AKAP9: variants seen among roughly 807,000 people sequenced by gnomAD.
The protein encoded by AKAP9 is A-kinase anchor protein 9.
In AKAP9, 311 loss-of-function variants were observed where a neutral mutation model predicts 488.5. The ratio of observed to expected loss-of-function variants is 0.64; its 90% confidence interval spans 0.58 to 0.70. The LOEUF is 0.70. Ranked by LOEUF, AKAP9 falls within the 30% of genes least tolerant of loss-of-function variation. AKAP9 has a pLI of 0.00. For synonymous variants in AKAP9, 1,462 were observed against 1,483.5 expected, an observed-to-expected ratio of 0.99 and a Z score of 0.33; for missense variants, 4,215 against 4,374.5, an observed-to-expected ratio of 0.96 and a Z score of 1.03.
At chr7:92,099,111 T>C (rs1293984556) in intron 43 of AKAP9, among the ~76,000 whole-genome samples, 1 of 152,188 alleles carries the variant, frequency 6.6e-6, no homozygotes, top group African/African-American at 2.4e-5. Flanking sequence ...AAAGTCACCA[T>C]AGACCACTTT....
chr7:92,001,881 T>G lies in AKAP9; in HGVS notation c.1964T>G (p.Leu655Arg). Residue 655 changes from leucine to arginine, a missense_variant, in exon 8 of 50, where the codon CTT (leucine) becomes CGT (arginine). Coordinates refer to ENST00000356239, the MANE Select transcript of AKAP9 (RefSeq NM_005751.5). Reference sequence around the variant, plus strand: ...GAACATCGAATAAATATTGAAAAACTTAAAGATAATTTAGGCATTCACTAT... The same window carrying G: ...GAACATCGAATAAATATTGAAAAACGTAAAGATAATTTAGGCATTCACTAT... ...EIEHRINIEK[L>R]KDNLGIHYKQ... The G allele has an allele frequency of 6.2e-7, 1 of 1,613,006 alleles. No homozygotes were observed. The highest frequency in any genetic ancestry group is 8.5e-7 in the Non-Finnish European group (1 of 1,179,304).
At chr7:92,060,290 T>A (rs1216264068) in intron 22 of AKAP9, among the ~76,000 whole-genome samples, 1 of 152,142 alleles carries the variant, frequency 6.6e-6, no homozygotes, top group African/African-American at 2.4e-5. Flanking sequence ...ATGCACAAAG[T>A]ACTTTATATG....
chr7:92,068,516 A>G (rs999318753), intron 26 of AKAP9, among the ~76,000 whole-genome samples: 39 of 151,860 alleles, frequency 2.6e-4, no homozygotes, highest in African/African-American at 8.7e-4. Context: ...GTCATCTCCT[A>G]TTATGTAGTT....
chr7:92,051,257 C>T (rs1002347248), intron 21 of AKAP9, among the ~76,000 whole-genome samples: 8 of 152,114 alleles, frequency 5.3e-5, no homozygotes, highest in Non-Finnish European at 1.2e-4. Context: ...GTTCCCTTTG[C>T]GTCACATTTC....
intron 39 of AKAP9, among the ~76,000 whole-genome samples, chr7:92,094,635 C>T (rs1002127063): frequency 6.6e-6 from 1 of 152,116 alleles, no homozygotes; most frequent in African/African-American, 2.4e-5. Flanking sequence ...GAGATTGAAA[C>T]CATCCTGGCC....
At chr7:92,096,109 G>T (rs1395647108) in intron 40 of AKAP9, among the ~76,000 whole-genome samples, 4 of 152,008 alleles carry the variant, frequency 2.6e-5, no homozygotes, top group Admixed American at 1.3e-4. Flanking sequence ...ATTTTTAAAG[G>T]TTGTTATTCT....
chr7:92,031,149 G>A (rs1804171534), intron 15 of AKAP9, among the ~76,000 whole-genome samples: 1 of 152,132 alleles, frequency 6.6e-6, no homozygotes, highest in East Asian at 1.9e-4. Context: ...TTGCTTGTAA[G>A]TTTATGAGCA....
intron 7 of AKAP9, among the ~76,000 whole-genome samples, chr7:91,996,699 A>G (rs1798449859): frequency 6.6e-6 from 1 of 152,226 alleles, no homozygotes; most frequent in African/African-American, 2.4e-5. Context: ...AGAACTCACA[A>G]ATATGGAATC....
intron 32 of AKAP9, among the ~76,000 whole-genome samples, chr7:92,082,965 T>C (rs1397128658): frequency 6.6e-6 from 1 of 152,190 alleles, no homozygotes; most frequent in East Asian, 1.9e-4. Flanking sequence ...AATAAAATTA[T>C]TTCATTTCTA....
intron 33 of AKAP9, among the ~76,000 whole-genome samples, chr7:92,083,858 G>T (rs1345845810): frequency 2.0e-5 from 3 of 151,942 alleles, no homozygotes; most frequent in African/African-American, 7.3e-5. Flanking sequence ...TTTAAGTTCT[G>T]GGATACACGT....
At chr7:92,085,196 C>T (rs1814309815) in intron 35 of AKAP9, among the ~76,000 whole-genome samples, 1 of 152,056 alleles carries the variant, frequency 6.6e-6, no homozygotes, top group Admixed American at 6.6e-5. Flanking sequence ...TTAAAGTAGT[C>T]TCAAAGAGTA....
rs781632220 is a variant in AKAP9, at chr7:92,071,021, A to G, written c.6612+12A>G. 1 of 1,568,172 alleles carries G rather than the reference A, an allele frequency of 6.4e-7. No homozygotes were observed. Among genetic ancestry groups the G allele is most frequent in the Non-Finnish European group, 8.8e-7 (1 of 1,138,134 alleles). On this transcript the variant is annotated intron_variant, in intron 28 of 49. Coordinates refer to ENST00000356239, the MANE Select transcript of AKAP9 (RefSeq NM_005751.5). The stretch of plus-strand genomic sequence containing the variant: ...GAAAGGAAAAAGAGGTAAGGAGTTT[A>G]TTTTTAAATGACACAGCGTGGTTTG...
chr7:92,095,327 G>A (rs1171261797), intron 40 of AKAP9, among the ~76,000 whole-genome samples, 154 bp downstream of exon 40: 4 of 152,222 alleles, frequency 2.6e-5, no homozygotes, highest in Non-Finnish European at 5.9e-5. Flanking sequence ...ACCGTATTAT[G>A]AGGAAATGCT....
At chr7:92,036,061 A>G (rs1252890131) in intron 16 of AKAP9, among the ~76,000 whole-genome samples, 2 of 147,208 alleles carry the variant, frequency 1.4e-5, no homozygotes, top group Non-Finnish European at 3.0e-5. Context: ...TATGTTTTTT[A>G]GTTGTCTTTA....
At chr7:92,050,595 C>T (rs1807813074) in intron 21 of AKAP9, among the ~76,000 whole-genome samples, 1 of 152,196 alleles carries the variant, frequency 6.6e-6, no homozygotes, top group Non-Finnish European at 1.5e-5. Context: ...TCTCCTGCCT[C>T]TCTCTGATAT....
intron 21 of AKAP9, 120 bp downstream of exon 21, chr7:92,045,333 A>G (rs1277986289): frequency 2.2e-6 from 2 of 924,042 alleles, no homozygotes; most frequent in East Asian, 5.2e-5. Context: ...ATGGACCTTC[A>G]AACAGAAATA....
intron 8 of AKAP9, among the ~76,000 whole-genome samples, chr7:92,010,918 G>A (rs1800659011): frequency 6.6e-6 from 1 of 152,102 alleles, no homozygotes; most frequent in Admixed American, 6.6e-5. Flanking sequence ...CTCCTGAGCA[G>A]CTGGGATTAT....
chr7:91,991,166 C>A (rs542325055), intron 3 of AKAP9, among the ~76,000 whole-genome samples: 2 of 152,140 alleles, frequency 1.3e-5, no homozygotes, highest in East Asian at 3.8e-4. Flanking sequence ...ACATCCATTT[C>A]GTTACACTGA....
At chr7:91,986,048 G>A (rs900612165) in intron 3 of AKAP9, among the ~76,000 whole-genome samples, 2 of 152,074 alleles carry the variant, frequency 1.3e-5, no homozygotes, top group African/African-American at 4.8e-5. Flanking sequence ...TCTGGTCCTG[G>A]ACTTTTTTTG....
Sources: gnomAD v4.1 joint callset for allele counts (sites outside exome capture counted in the v4.1 genomes callset) on GRCh38, gnomAD v4.1.1 for gene constraint, MANE v1.5 for transcripts, NCBI Gene and HGNC (gene_info 2026-07-23, HGNC 2026-07-21) for gene names.